The following WWOX variants were observed in gnomAD, a reference collection of about 807,000 sequenced individuals.
WWOX encodes WW domain-containing oxidoreductase.
WWOX carries 69 observed loss-of-function variants against 46.2 expected under a neutral mutation model. The observed-to-expected ratio is 1.49, with a 90% CI of 1.23 to 1.82. The LOEUF (loss-of-function observed/expected upper bound fraction) is 1.82. Ranked by LOEUF, WWOX falls within the 40% of genes most tolerant of loss-of-function variation. WWOX has a pLI of 0.00. For missense variants in WWOX, 919 were observed against 542.6 expected (o/e 1.69, Z -6.89); for synonymous variants, 359 against 202.6 (o/e 1.77, Z -6.56).
chr16:78,839,424 A>G (rs1374385760), intron 8 of WWOX, among the ~76,000 whole-genome samples: 1 of 152,184 alleles, frequency 6.6e-6, no homozygotes, highest in Non-Finnish European at 1.5e-5. Flanking sequence ...GATTTTGACA[A>G]AAGACAGCAA....
At chr16:79,161,472 A>G (rs904845404) in intron 8 of WWOX, among the ~76,000 whole-genome samples, 3 of 152,200 alleles carry the variant, frequency 2.0e-5, no homozygotes, top group Non-Finnish European at 4.4e-5. Context: ...AGGAGAGAAG[A>G]GAGGAAATGA....
intron 8 of WWOX, among the ~76,000 whole-genome samples, chr16:78,875,383 G>T (rs1292698814): frequency 6.6e-6 from 1 of 152,138 alleles, no homozygotes; most frequent in African/African-American, 2.4e-5. Context: ...GACATTTCCA[G>T]TGTCTAGTCC....
At chr16:78,703,286 C>CT (rs2048264288) in intron 8 of WWOX, among the ~76,000 whole-genome samples, 2 of 152,278 alleles carry the variant, frequency 1.3e-5, no homozygotes, top group Admixed American at 6.5e-5. Context: ...CATAAGTCAG[C>CT]TTCTCTCCCA....
In WWOX at chr16:78,473,093, A is replaced by G. The variant is rs553711140; in HGVS notation, c.1056+40341A>G. ...AGTTTAAACTTGAGTGTCCTTAAGTAAAGTTTTATAGGAACACAGTGTTGC... is the reference window on the plus strand; with the variant it reads ...AGTTTAAACTTGAGTGTCCTTAAGTGAAGTTTTATAGGAACACAGTGTTGC... On this transcript the variant is annotated intron_variant, in intron 8 of 8. Coordinates refer to ENST00000566780, the MANE Select transcript of WWOX (RefSeq NM_016373.4). 2.6e-5 allele frequency among the ~76,000 whole-genome samples: 4 copies of G among 152,326 alleles called. No individual in the cohort carries two copies. In the South Asian group the frequency reaches 8.3e-4, roughly 32 times the overall value.
intron 8 of WWOX, among the ~76,000 whole-genome samples, chr16:78,951,062 C>T (rs1261856918): frequency 6.6e-6 from 1 of 152,172 alleles, no homozygotes; most frequent in African/African-American, 2.4e-5. Flanking sequence ...TGAGAAGAGG[C>T]CAGATGAGGA....
chr16:78,748,623 G>T (rs1268239196), intron 8 of WWOX, among the ~76,000 whole-genome samples: 1 of 152,212 alleles, frequency 6.6e-6, no homozygotes, highest in Admixed American at 6.5e-5. Context: ...GATGGCAGCT[G>T]CATGAAGTCA....
chr16:78,523,255 T>G (rs1346325293), intron 8 of WWOX, among the ~76,000 whole-genome samples: 1 of 152,180 alleles, frequency 6.6e-6, no homozygotes, highest in Non-Finnish European at 1.5e-5. Context: ...AATAAAATAT[T>G]AATTTTTCAT....
intron 8 of WWOX, among the ~76,000 whole-genome samples, chr16:79,130,016 G>T (rs1326342849): frequency 6.6e-6 from 1 of 152,254 alleles, no homozygotes; most frequent in African/African-American, 2.4e-5. Flanking sequence ...TTTACAGAGA[G>T]CTTACTCCTT....
intron 8 of WWOX, among the ~76,000 whole-genome samples, chr16:78,452,756 C>T (rs548858364): frequency 5.7e-4 from 86 of 152,020 alleles, no homozygotes; most frequent in South Asian, 2.7e-3. Flanking sequence ...GGATTACAGG[C>T]ATGAACCACT....
intron 8 of WWOX, among the ~76,000 whole-genome samples, chr16:79,029,951 T>G (rs1202982497): frequency 6.6e-6 from 1 of 152,200 alleles, no homozygotes; most frequent in Non-Finnish European, 1.5e-5. Flanking sequence ...CCGTTGTGTT[T>G]TATAATTTCT....
intron 8 of WWOX, among the ~76,000 whole-genome samples, chr16:78,446,796 G>A (rs535946309): frequency 2.6e-5 from 4 of 151,088 alleles, no homozygotes; most frequent in African/African-American, 9.7e-5. Flanking sequence ...CAGTGGCTGG[G>A]ATTACAGGCA....
intron 8 of WWOX, chr16:78,981,781 C>G (rs1006540235): frequency 6.6e-6 from 1 of 152,162 alleles, no homozygotes; most frequent in African/African-American, 2.4e-5. Context: ...ACAACCAGCT[C>G]CGTTTCCAAG....
chr16:78,951,526 A>G (rs776129361), intron 8 of WWOX, among the ~76,000 whole-genome samples: 2 of 152,142 alleles, frequency 1.3e-5, no homozygotes, highest in Non-Finnish European at 2.9e-5. Context: ...TAAAGAAGTC[A>G]TGTTATTGCT....
intron 5 of WWOX, among the ~76,000 whole-genome samples, chr16:78,221,768 C>T (rs902238854): frequency 5.9e-5 from 9 of 152,176 alleles, no homozygotes; most frequent in East Asian, 1.9e-4. Flanking sequence ...TGTGTAATCC[C>T]GTATTTGGAA....
At chr16:78,428,032 C>G (rs960669094) in intron 7 of WWOX, among the ~76,000 whole-genome samples, 1 of 152,122 alleles carries the variant, frequency 6.6e-6, no homozygotes, top group Admixed American at 6.5e-5. Flanking sequence ...TGCACCAGTG[C>G]ACTCCAGCCT....
At chr16:78,828,348 G>T (rs898274102) in intron 8 of WWOX, among the ~76,000 whole-genome samples, 1 of 152,110 alleles carries the variant, frequency 6.6e-6, no homozygotes, top group African/African-American at 2.4e-5. Context: ...AGGAGGTTGG[G>T]CTGGAGGTGA....
rs1237795393 is a variant in WWOX, at chr16:78,906,193, G to T, written c.1057-305415G>T. Among the ~76,000 whole-genome samples the T allele has an allele frequency of 2.6e-5, 4 of 152,172 alleles. No homozygotes were observed. In the East Asian group the frequency reaches 7.7e-4, roughly 29 times the overall value. On this transcript the variant is annotated intron_variant, in intron 8 of 8. Transcript: ENST00000566780. ...CTAGGGACATCTGGGGCAGCAGAGA[G>T]CCACTGGTGTGGTGAGTTATCTCCC...
At chr16:78,827,103 C>T (rs1004361711) in intron 8 of WWOX, among the ~76,000 whole-genome samples, 4 of 152,144 alleles carry the variant, frequency 2.6e-5, no homozygotes, top group African/African-American at 9.7e-5. Context: ...CTGCTCTCCT[C>T]TCCAGAACTC....
chr16:78,462,236 C>T (rs1477993231), intron 8 of WWOX, among the ~76,000 whole-genome samples: 3 of 150,918 alleles, frequency 2.0e-5, no homozygotes, highest in African/African-American at 2.5e-5. Context: ...CTCTCTTGCT[C>T]ACGCTCTTTT....
Sources: allele counts gnomAD v4.1 joint callset (sites outside exome capture counted in the v4.1 genomes callset), GRCh38; gene constraint gnomAD v4.1.1; transcripts MANE v1.5; gene names NCBI Gene and HGNC (gene_info 2026-07-23, HGNC 2026-07-21).